Variants in LMX1A observed in about 807,000 individuals in gnomAD.
LMX1A encodes the protein LIM homeobox transcription factor 1-alpha.
Under a neutral mutation model 49.1 loss-of-function variants are expected in LMX1A, and 15 were observed. The ratio of observed to expected loss-of-function variants is 0.31; its 90% confidence interval spans 0.20 to 0.47. LMX1A has a LOEUF of 0.47. Among genes scored for constraint, LMX1A ranks in the 20% least tolerant of loss-of-function variants. LMX1A has a pLI of 1.00. For missense variants in LMX1A, 372 were observed against 475.8 expected (o/e 0.78, Z 2.03); for synonymous variants, 167 against 185.7 (o/e 0.90, Z 0.82).
At chr1:165,335,053 CA>C (rs1655859233) in intron 3 of LMX1A, among the ~76,000 whole-genome samples, 1 of 152,126 alleles carries the variant, frequency 6.6e-6, no homozygotes. Context: ...ACTGTGTGTT[CA>C]AATTTGAAAG....
In LMX1A at chr1:165,242,947, A is replaced by C. The variant is rs1354372858; in HGVS notation, c.496+6461T>G. Among the ~76,000 whole-genome samples the C allele has an allele frequency of 2.0e-4, 28 of 143,486 alleles. 1 individual carries two copies. In the East Asian group the frequency reaches 3.5e-3, roughly 18 times the overall value. 94.1% of individuals were successfully genotyped at this position (143,486 alleles called of 152,430 possible). ...TCCACCTCAAAAAAAAAAAAAAAAA[A>C]CAAAACAAAAACATAAAACAACTAA... On this transcript the variant is annotated intron_variant, in intron 4 of 8. Transcript: ENST00000342310.
At chr1:165,318,371 G>A (rs763988625) in intron 3 of LMX1A, among the ~76,000 whole-genome samples, 7 of 152,328 alleles carry the variant, frequency 4.6e-5, no homozygotes, top group Non-Finnish European at 7.3e-5. Context: ...GCCAAAGAAC[G>A]GAGAGGTGAC....
chr1:165,355,656 G>A lies in LMX1A; in HGVS notation c.-22-75C>T. 1 of 1,125,938 alleles carries A rather than the reference G, an allele frequency of 8.9e-7. No homozygotes were observed. The allele number at this position is 1,125,938 out of a possible 1,614,324, so 69.7% of individuals were successfully genotyped here. ...CGGCGCCAGCAGCCACCGCACTCCT[G>A]GGAAAGAACTGAGGGAGTGTCCAGG... On this transcript the variant is annotated intron_variant, in intron 1 of 8. Coordinates refer to ENST00000342310, the MANE Select transcript of LMX1A (RefSeq NM_177398.4). This position sits in a 1 kb window ranked among gnomAD's most constrained non-coding sequence, Gnocchi z 4.7.
chr1:165,237,987 A>G (rs889999484), intron 4 of LMX1A, among the ~76,000 whole-genome samples: 1 of 152,242 alleles, frequency 6.6e-6, no homozygotes, highest in African/African-American at 2.4e-5. Context: ...TAGCTCAGAT[A>G]TGAAAGACTG....
Position 165,257,863 on chromosome 1 carries a change from A to C in LMX1A, c.264-8223T>G, listed in dbSNP as rs147406353. Among the ~76,000 whole-genome samples, 252 of 152,240 alleles carry C rather than the reference A, an allele frequency of 1.7e-3. 2 individuals carry two copies. The highest frequency in any genetic ancestry group is 5.6e-3 in the African/African-American group (231 of 41,558). On this transcript the variant is annotated intron_variant, in intron 3 of 8. Transcript: ENST00000342310. Reference sequence around the variant, plus strand: ...AGCAGAAGGATGGAGGACAAGGCAAACCCATGAAAAACCCTGATGCCAGTT... The same window carrying C: ...AGCAGAAGGATGGAGGACAAGGCAACCCCATGAAAAACCCTGATGCCAGTT...
At chr1:165,246,861 T>C (rs765973498) in intron 4 of LMX1A, among the ~76,000 whole-genome samples, 9 of 152,162 alleles carry the variant, frequency 5.9e-5, no homozygotes, top group Non-Finnish European at 1.2e-4. Flanking sequence ...ACTCAAGATA[T>C]GTCAACTGAA....
At chr1:165,229,932 G>A (rs1652181636) in intron 4 of LMX1A, among the ~76,000 whole-genome samples, 1 of 152,180 alleles carries the variant, frequency 6.6e-6, no homozygotes, top group Non-Finnish European at 1.5e-5. Context: ...GAAATTCATA[G>A]GTTGAAATCC....
intron 3 of LMX1A, among the ~76,000 whole-genome samples, chr1:165,347,613 A>G (rs1420168501): frequency 6.6e-6 from 1 of 152,276 alleles, no homozygotes; most frequent in Non-Finnish European, 1.5e-5. Flanking sequence ...TTTCAGAGTT[A>G]GGGCAGAAAT....
intron 3 of LMX1A, among the ~76,000 whole-genome samples, chr1:165,342,966 C>A (rs943194955): frequency 2.0e-5 from 3 of 152,076 alleles, no homozygotes; most frequent in African/African-American, 7.2e-5. Context: ...CTTCCCTGAG[C>A]CTTTATTTCC....
chr1:165,353,376 C>T, intron 2 of LMX1A, 114 bp from the exon 3 acceptor site: 1 of 822,750 alleles, frequency 1.2e-6, no homozygotes, highest in Non-Finnish European at 1.9e-6. Context: ...CAGCGCCCCC[C>T]ACCCCAGGGA....
chr1:165,309,696 T>A (rs1001650139), intron 3 of LMX1A, among the ~76,000 whole-genome samples: 5 of 152,204 alleles, frequency 3.3e-5, no homozygotes, highest in African/African-American at 9.7e-5. Context: ...CGTTGCTGGA[T>A]GCTCAAGAAG....
At chr1:165,306,929 G>A (rs1654934941) in intron 3 of LMX1A, among the ~76,000 whole-genome samples, 1 of 152,232 alleles carries the variant, frequency 6.6e-6, no homozygotes, top group Non-Finnish European at 1.5e-5. Context: ...AGAGTGAAGC[G>A]GTCAGCAGGA....
intron 4 of LMX1A, among the ~76,000 whole-genome samples, chr1:165,247,048 CTTTTTCTTTT>C (rs1652874246): frequency 9.3e-5 from 2 of 21,424 alleles, no homozygotes; most frequent in South Asian, 4.2e-3. Context: ...ATCAGATCAG[CTTTTTCTTTT>C]TTTTTTTTTT....
chr1:165,225,835 C>T (rs1240549464), intron 4 of LMX1A, among the ~76,000 whole-genome samples: 1 of 152,182 alleles, frequency 6.6e-6, no homozygotes, highest in Non-Finnish European at 1.5e-5. Flanking sequence ...CTCTCTCTTT[C>T]CCCACCCCTA....
At chr1:165,353,370 G>A (rs181157572) in intron 2 of LMX1A, 108 bp from the exon 3 acceptor site, 1 of 857,836 alleles carries the variant, frequency 1.2e-6, no homozygotes. Context: ...TTCCCCCAGC[G>A]CCCCCCACCC....
At chr1:165,265,779 T>G (rs1653602443) in intron 3 of LMX1A, among the ~76,000 whole-genome samples, 1 of 151,950 alleles carries the variant, frequency 6.6e-6, no homozygotes, top group Non-Finnish European at 1.5e-5. Flanking sequence ...CCAAACTGCA[T>G]GAGATGGGCA....
intron 3 of LMX1A, among the ~76,000 whole-genome samples, chr1:165,352,507 A>G (rs1209781244): frequency 6.6e-6 from 1 of 152,340 alleles, no homozygotes; most frequent in Non-Finnish European, 1.5e-5. Flanking sequence ...TTAGCTCCGA[A>G]TGGCAGCAGA....
intron 4 of LMX1A, among the ~76,000 whole-genome samples, chr1:165,228,519 T>C (rs1652124001): frequency 6.6e-6 from 1 of 152,192 alleles, no homozygotes; most frequent in Non-Finnish European, 1.5e-5. Flanking sequence ...ATTTAGTTCT[T>C]CAGGGTGACA....
At chr1:165,283,027 T>G (rs1204019154) in intron 3 of LMX1A, among the ~76,000 whole-genome samples, 3 of 152,198 alleles carry the variant, frequency 2.0e-5, no homozygotes. Context: ...ACTCTTTCAT[T>G]CAGCTCCAGC....
Sources: gnomAD v4.1 joint callset for allele counts (sites outside exome capture counted in the v4.1 genomes callset) on GRCh38, gnomAD v4.1.1 for gene constraint, Gnocchi (gnomAD v3.1) non-coding constraint, MANE v1.5 for transcripts, NCBI Gene and HGNC (gene_info 2026-07-23, HGNC 2026-07-21) for gene names.